Variants in NAV2 observed in about 807,000 individuals in gnomAD.
NAV2 encodes the protein neuron navigator 2.
A neutral mutation model predicts 223.2 loss-of-function variants in NAV2; 54 were observed. The ratio of observed to expected loss-of-function variants is 0.24; its 90% CI spans 0.19 to 0.30. NAV2 has a LOEUF of 0.30. NAV2 is among the 10% of genes least tolerant of loss of function. The pLI is 1.00. For missense variants in NAV2, 2,806 were observed against 3,147.5 expected (o/e 0.89, Z 2.60); for synonymous variants, 1,279 against 1,239.3 (o/e 1.03, Z -0.67).
intron 1 of NAV2, among the ~76,000 whole-genome samples, chr11:19,664,306 A>C (rs2135752091): frequency 6.6e-6 from 1 of 152,286 alleles, no homozygotes; most frequent in African/African-American, 2.4e-5. Context: ...TACAGGTCCT[A>C]TAGCTGGGCA....
chr11:19,974,731 T>C (rs1345948920), intron 10 of NAV2, among the ~76,000 whole-genome samples: 1 of 152,208 alleles, frequency 6.6e-6, no homozygotes, highest in East Asian at 1.9e-4. Flanking sequence ...GTGTACAGTC[T>C]ACCTTGGGTG....
chr11:19,737,918 G>C (rs1450565708), intron 1 of NAV2, among the ~76,000 whole-genome samples: 1 of 152,238 alleles, frequency 6.6e-6, no homozygotes, highest in Non-Finnish European at 1.5e-5. Context: ...AGCAAAGGAA[G>C]AGGGGACCAA....
intron 1 of NAV2, among the ~76,000 whole-genome samples, chr11:19,384,170 T>C (rs542796868): frequency 4.6e-5 from 7 of 152,304 alleles, no homozygotes; most frequent in Admixed American, 3.9e-4. Context: ...TTTTTAAAAA[T>C]AGAGACAAAA....
chr11:19,948,105 G>T (rs1422182455), intron 9 of NAV2, among the ~76,000 whole-genome samples: 2 of 151,812 alleles, frequency 1.3e-5, no homozygotes, highest in African/African-American at 2.4e-5. Flanking sequence ...TGCCGGGGGG[G>T]ATGGAGTCTC....
At chr11:19,812,995 T>G (rs2058914320) in intron 1 of NAV2, among the ~76,000 whole-genome samples, 1 of 152,084 alleles carries the variant, frequency 6.6e-6, no homozygotes, top group Non-Finnish European at 1.5e-5. Flanking sequence ...CCTATACTCA[T>G]TCCCTTGTTG....
intron 1 of NAV2, among the ~76,000 whole-genome samples, chr11:19,668,158 T>A (rs956736752): frequency 5.3e-5 from 8 of 152,154 alleles, no homozygotes; most frequent in Non-Finnish European, 1.0e-4. Flanking sequence ...GAGGGAAATG[T>A]TACAAAAGAG....
At chr11:19,783,504 G>T (rs1470991369) in intron 1 of NAV2, among the ~76,000 whole-genome samples, 2 of 152,104 alleles carry the variant, frequency 1.3e-5, no homozygotes, top group Non-Finnish European at 2.9e-5. Flanking sequence ...CTTCTTAAAA[G>T]GAGGGCTTTT....
chr11:19,775,496 C>T lies in NAV2; in HGVS notation c.268-56988C>T, dbSNP rs571704744. On this transcript the variant is annotated intron_variant, in intron 1 of 37. Coordinates refer to ENST00000349880, the MANE Select transcript of NAV2 (RefSeq NM_145117.5). Reference sequence around the variant, plus strand: ...TTTCATTTGGGAAACATTTACTGAGCTCCCACTATGGGCCACACATTGTTC... The same window carrying T: ...TTTCATTTGGGAAACATTTACTGAGTTCCCACTATGGGCCACACATTGTTC... Among the ~76,000 whole-genome samples, 12 of 152,316 alleles carry T rather than the reference C, an allele frequency of 7.9e-5. No individual in the cohort carries two copies. The East Asian group carries it at 1.9e-3, about 24-fold the overall frequency.
chr11:19,881,876 G>C (rs1014649410), intron 5 of NAV2, among the ~76,000 whole-genome samples: 2 of 152,178 alleles, frequency 1.3e-5, no homozygotes, highest in Non-Finnish European at 2.9e-5. Context: ...TGTTGGAAGA[G>C]CATAAACAAG....
At chr11:19,614,131 A>C (rs1187485260) in intron 1 of NAV2, among the ~76,000 whole-genome samples, 1 of 152,146 alleles carries the variant, frequency 6.6e-6, no homozygotes, top group Non-Finnish European at 1.5e-5. Context: ...CTGGTGCAGA[A>C]GGCCTTAAAA....
chr11:19,778,476 G>A (rs2056464579), intron 1 of NAV2: 1 of 328,098 alleles, frequency 3.0e-6, no homozygotes, highest in South Asian at 2.4e-5. Flanking sequence ...ACTGGTGTGA[G>A]GTCTTTAAAG....
At chr11:19,918,813 G>A (rs2044022513) in intron 6 of NAV2, among the ~76,000 whole-genome samples, 1 of 152,182 alleles carries the variant, frequency 6.6e-6, no homozygotes, top group Admixed American at 6.5e-5. Flanking sequence ...ATGAATTCTT[G>A]ACTCCCACTT....
intron 1 of NAV2, among the ~76,000 whole-genome samples, chr11:19,362,645 G>A (rs987677690): frequency 2.0e-5 from 3 of 152,126 alleles, no homozygotes. Context: ...ATAGTGAGAA[G>A]AACACAGGTT....
chr11:20,071,270 T>C (rs2059391365), intron 22 of NAV2, among the ~76,000 whole-genome samples: 1 of 152,170 alleles, frequency 6.6e-6, no homozygotes, highest in African/African-American at 2.4e-5. Context: ...GCTTCATCCA[T>C]GTCCCTGAAA....
chr11:19,467,625 G>A (rs146790318), intron 1 of NAV2, among the ~76,000 whole-genome samples: 97 of 152,302 alleles, frequency 6.4e-4, no homozygotes, highest in Non-Finnish European at 1.3e-3. Context: ...AAAAACATCC[G>A]GGAAGTGTTT....
intron 14 of NAV2, among the ~76,000 whole-genome samples, chr11:20,046,575 AT>A (rs1477837799): frequency 1.2e-4 from 17 of 137,520 alleles, no homozygotes; most frequent in African/African-American, 3.0e-4. Context: ...TCAGTCTGAA[AT>A]TTTAACTTCC....
At chr11:19,777,019 G>GCC (rs1293328388) in intron 1 of NAV2, among the ~76,000 whole-genome samples, 1 of 151,850 alleles carries the variant, frequency 6.6e-6, no homozygotes, top group African/African-American at 2.4e-5. Context: ...GTGGCGAAGG[G>GCC]CCCACTGAAG....
intron 1 of NAV2, among the ~76,000 whole-genome samples, chr11:19,750,832 G>A (rs1417851456): frequency 6.6e-6 from 1 of 152,174 alleles, no homozygotes; most frequent in African/African-American, 2.4e-5. Flanking sequence ...TCCTTATTGA[G>A]TCGGCATTGC....
intron 11 of NAV2, among the ~76,000 whole-genome samples, chr11:19,985,885 C>T (rs2050754146): frequency 6.6e-6 from 1 of 151,932 alleles, no homozygotes. Flanking sequence ...CTGAGAACTG[C>T]TCTTACTAAG....
Sources: gnomAD v4.1 joint callset for allele counts (sites outside exome capture counted in the v4.1 genomes callset) on GRCh38, gnomAD v4.1.1 for gene constraint, MANE v1.5 for transcripts, NCBI Gene and HGNC (gene_info 2026-07-23, HGNC 2026-07-21) for gene names.